Variants in POLE4 observed in about 807,000 individuals in gnomAD.
POLE4 encodes DNA polymerase epsilon subunit 4.
POLE4 carries 15 observed loss-of-function variants against 15.6 expected under a neutral mutation model. That is an observed-to-expected ratio of 0.96 (90% CI 0.64 to 1.48). POLE4 has a LOEUF of 1.48. POLE4 is among the 40% of genes most tolerant of loss of function. The pLI is 0.00. For missense variants in POLE4, 205 were observed against 151.9 expected, an observed-to-expected ratio of 1.35 and a Z score of -1.84; for synonymous variants, 83 against 63.2, an observed-to-expected ratio of 1.31 and a Z score of -1.49.
At position 74,958,777 on chromosome 2, in the gene POLE4, T is replaced by C; in HGVS notation, c.98T>C (p.Val33Ala). The C allele has an allele frequency of 6.5e-7, 1 of 1,547,472 alleles. No individual in the cohort carries two copies. Among genetic ancestry groups the C allele is most frequent in the Non-Finnish European group, 8.7e-7 (1 of 1,145,260 alleles). ...TCGCAGCCCCAGGCCCCAACGAGTGTGCCTGGGGCTCGTCTCTCGAGGTTG... is the reference window on the plus strand; with the variant it reads ...TCGCAGCCCCAGGCCCCAACGAGTGCGCCTGGGGCTCGTCTCTCGAGGTTG... ...AASQPQAPTS[V>A]PGARLSRLPL... Residue 33 changes from valine to alanine, a missense_variant, in exon 1 of 4, where the codon GTG (valine) becomes GCG (alanine). Coordinates refer to ENST00000483063, the MANE Select transcript of POLE4 (RefSeq NM_019896.4).
chr2:74,969,246 T>C (rs1169077214), intron 3 of POLE4, among the ~76,000 whole-genome samples, 163 bp from the exon 4 acceptor site: 1 of 152,226 alleles, frequency 6.6e-6, no homozygotes, highest in Non-Finnish European at 1.5e-5. Flanking sequence ...ATGACATGTT[T>C]TCCCTGGGGA....
At chr2:74,960,267 C>G (rs538276588) in intron 3 of POLE4, 121 bp downstream of exon 3, 1 of 840,024 alleles carries the variant, frequency 1.2e-6, no homozygotes, top group Non-Finnish European at 2.0e-6. Flanking sequence ...TCCGCACTTG[C>G]TATTAGGATA....
chr2:74,959,513 C>G (rs1482147753), intron 2 of POLE4, 88 bp downstream of exon 2: 1 of 802,336 alleles, frequency 1.2e-6, no homozygotes. Flanking sequence ...TCACTCTGAT[C>G]TGAGAGGTGC....
intron 2 of POLE4, chr2:74,959,688 T>G: frequency 4.6e-6 from 2 of 430,226 alleles, no homozygotes; most frequent in South Asian, 4.2e-5. Context: ...CAGAAAAAGA[T>G]ATTTCTTTTT....
intron 3 of POLE4, among the ~76,000 whole-genome samples, chr2:74,961,804 T>C (rs541008436): frequency 6.6e-6 from 1 of 152,230 alleles, no homozygotes; most frequent in South Asian, 2.1e-4. Flanking sequence ...CATTGGTAGA[T>C]CTGAATGTTA....
At position 74,958,823 on chromosome 2, in the gene POLE4, C is replaced by T. The variant is rs1488253569; in HGVS notation, c.144C>T (p.Ala48=). The change falls in exon 1 of 4, where the codon GCC becomes GCT. Residue 48 remains alanine, a synonymous_variant. Transcript: ENST00000483063. The part of the protein sequence containing the change: ...LSRLPLARVK[A]LVKADPDVTL... ...GGTTGCCTCTGGCGCGAGTGAAGGC[C>T]TTGGTGAAGGCAGATCCCGACGTGA... The T allele has an allele frequency of 6.4e-7, 1 of 1,558,742 alleles. No individual in the cohort carries two copies. Among genetic ancestry groups the T allele is most frequent in the Non-Finnish European group, 8.7e-7 (1 of 1,151,392 alleles).
At chr2:74,959,929 AATATAT>A (rs1671191269) in intron 2 of POLE4, among the ~76,000 whole-genome samples, 170 bp from the exon 3 acceptor site, 1 of 152,174 alleles carries the variant, frequency 6.6e-6, no homozygotes, top group Non-Finnish European at 1.5e-5. Context: ...GGAGACAGCT[AATATAT>A]ATAAGAGTTG....
Position 74,958,706 on chromosome 2 carries a change from C to G in POLE4, c.27C>G (p.Ser9Arg). 1 of 1,478,688 alleles carries G rather than the reference C, an allele frequency of 6.8e-7. No individual in the cohort carries two copies. The allele number at this position is 1,478,688 out of a possible 1,614,324, so 91.6% of individuals were successfully genotyped here. Residue 9 changes from serine (S) to arginine (R), a missense_variant, in exon 1 of 4, where the codon AGC (serine) becomes AGG (arginine). Transcript: ENST00000483063. The stretch of plus-strand genomic sequence containing the variant: ...TGGCGGCGGCGGCGGCGGCAGGAAG[C>G]GGGACGCCCCGAGAGGAGGAGGGAC... MAAAAAAGSGTPREEEGPA... is the reference protein window; with the variant it reads MAAAAAAGRGTPREEEGPA...
At position 74,958,805 on chromosome 2, in the gene POLE4, T is replaced by G; in HGVS notation, c.126T>G (p.Pro42=). ...SVPGARLSRL[P]LARVKALVKA... is the part of the protein sequence containing the mutation. ...CTGGGGCTCGTCTCTCGAGGTTGCC[T>G]CTGGCGCGAGTGAAGGCCTTGGTGA... Residue 42 remains proline (P), a synonymous_variant, in exon 1 of 4, where the codon CCT becomes CCG. Transcript: ENST00000483063. The G allele has an allele frequency of 1.3e-6, 2 of 1,554,614 alleles. No individual in the cohort carries two copies. The highest frequency in any genetic ancestry group is 1.7e-6 in the Non-Finnish European group (2 of 1,148,964).
chr2:74,963,810 A>G (rs960768710), intron 3 of POLE4, among the ~76,000 whole-genome samples: 3 of 152,130 alleles, frequency 2.0e-5, no homozygotes, highest in African/African-American at 4.8e-5. Context: ...TATTTTAGAT[A>G]TGAATCTTTT....
At chr2:74,964,174 T>G (rs1380883114) in intron 3 of POLE4, among the ~76,000 whole-genome samples, 1 of 152,236 alleles carries the variant, frequency 6.6e-6, no homozygotes, top group Non-Finnish European at 1.5e-5. Context: ...GCCTTTCTGT[T>G]CTCTTCCATT....
intron 3 of POLE4, among the ~76,000 whole-genome samples, chr2:74,966,679 C>T (rs548191461): frequency 6.6e-6 from 1 of 152,330 alleles, no homozygotes; most frequent in African/African-American, 2.4e-5. Flanking sequence ...GCTGGGATTA[C>T]AGGCGTGAGC....
At position 74,967,908 on chromosome 2, in the gene POLE4, A is replaced by T. The variant is rs537754410; in HGVS notation, c.341-1501A>T. ...TGTGAAGGGGCACTGATTAAATTCC[A>T]GTTCGTCCTTACTCTGAGGGGGCAG... is the stretch of plus-strand genomic sequence containing the variant. On this transcript the variant is annotated intron_variant, in intron 3 of 3. Coordinates refer to ENST00000483063, the MANE Select transcript of POLE4 (RefSeq NM_019896.4). Among the ~76,000 whole-genome samples, 4 of 148,892 alleles carry T rather than the reference A, an allele frequency of 2.7e-5. No individual in the cohort carries two copies. The East Asian group carries it at 7.8e-4, about 29-fold the overall frequency.
intron 3 of POLE4, among the ~76,000 whole-genome samples, chr2:74,968,097 G>A (rs1671320489): frequency 6.6e-6 from 1 of 152,070 alleles, no homozygotes; most frequent in Non-Finnish European, 1.5e-5. Flanking sequence ...TTAGAGGCTG[G>A]GTTTGTTTTG....
At chr2:74,964,342 A>G (rs1331127651) in intron 3 of POLE4, among the ~76,000 whole-genome samples, 1 of 152,160 alleles carries the variant, frequency 6.6e-6, no homozygotes, top group East Asian at 1.9e-4. Context: ...TGTACATTTT[A>G]GAATCTGTCA....
At chr2:74,966,659 C>T (rs1270144646) in intron 3 of POLE4, among the ~76,000 whole-genome samples, 1 of 152,188 alleles carries the variant, frequency 6.6e-6, no homozygotes, top group African/African-American at 2.4e-5. Context: ...CCTGCCTTGG[C>T]CTCCCAAGTG....
chr2:74,960,810 T>C (rs1671210250), intron 3 of POLE4, among the ~76,000 whole-genome samples: 1 of 152,220 alleles, frequency 6.6e-6, no homozygotes, highest in Non-Finnish European at 1.5e-5. Context: ...CAGATTATAA[T>C]GGAGCTGAAA....
At chr2:74,963,411 T>C (rs1004620913) in intron 3 of POLE4, among the ~76,000 whole-genome samples, 1 of 152,248 alleles carries the variant, frequency 6.6e-6, no homozygotes, top group Non-Finnish European at 1.5e-5. Context: ...CATGCCCATT[T>C]TTTTTTGAGG....
intron 2 of POLE4, chr2:74,959,680 G>GA: frequency 2.3e-6 from 1 of 439,514 alleles, no homozygotes; most frequent in Non-Finnish European, 4.0e-6. Context: ...AATTGCACCA[G>GA]AAAAAGATAT....
Sources: allele counts gnomAD v4.1 joint callset (sites outside exome capture counted in the v4.1 genomes callset), GRCh38; gene constraint gnomAD v4.1.1; transcripts MANE v1.5; gene names NCBI Gene and HGNC (gene_info 2026-07-23, HGNC 2026-07-21).